ADGB: variants seen among roughly 807,000 people sequenced by gnomAD.
The protein encoded by ADGB is androglobin, also known as calpain-7-like protein.
In ADGB, 172 loss-of-function variants were observed where a neutral mutation model predicts 210.5. That is an observed-to-expected ratio of 0.82 (90% CI 0.72 to 0.93). ADGB has a LOEUF of 0.93. ADGB is among the 40% of genes least tolerant of loss of function. The pLI is 0.00. For missense variants in ADGB, 2,025 were observed against 1,964.8 expected (o/e 1.03, Z -0.58); for synonymous variants, 658 against 662.7 (o/e 0.99, Z 0.11).
chr6:146,690,261 A>C (rs181596475), intron 10 of ADGB, among the ~76,000 whole-genome samples: 1 of 152,250 alleles, frequency 6.6e-6, no homozygotes, highest in Non-Finnish European at 1.5e-5. Flanking sequence ...CTGTTTTGTA[A>C]ATTTGCAATC....
At chr6:146,806,650 G>T (rs1442102293) in intron 35 of ADGB, among the ~76,000 whole-genome samples, 1 of 152,202 alleles carries the variant, frequency 6.6e-6, no homozygotes, top group Non-Finnish European at 1.5e-5. Flanking sequence ...TTCTAGAAGA[G>T]TCTTTTCAGG....
At chr6:146,796,751 CA>C (rs1460099182) in intron 33 of ADGB, among the ~76,000 whole-genome samples, 2 of 151,952 alleles carry the variant, frequency 1.3e-5, no homozygotes, top group African/African-American at 4.8e-5. Flanking sequence ...GACCAGAAAC[CA>C]TAAAGATTCC....
Position 146,664,328 on chromosome 6 carries a change from T to C in ADGB, c.740T>C (p.Leu247Pro). 6.5e-7 allele frequency: 1 copy of C among 1,548,350 alleles called. No individual in the cohort carries two copies. The highest frequency in any genetic ancestry group is 8.7e-7 in the Non-Finnish European group (1 of 1,145,576). Residue 247 changes from leucine (L) to proline (P), a missense_variant, in exon 6 of 36, where the codon CTG becomes CCG. Leu to Pro is a moderately conservative substitution (Grantham distance 98, BLOSUM62 -3). Coordinates refer to ENST00000397944, the MANE Select transcript of ADGB (RefSeq NM_024694.4). ...PMLLSKAIIK[L>P]ANIDIHVADR... Reference sequence around the variant, plus strand: ...CTTTTGTCTAAAGCTATTATCAAGCTGGCAAATATTGAGTATGTAATGACA... The same window carrying C: ...CTTTTGTCTAAAGCTATTATCAAGCCGGCAAATATTGAGTATGTAATGACA...
Position 146,599,010 on chromosome 6 carries a change from G to A in ADGB, c.-31G>A. The stretch of plus-strand genomic sequence containing the variant: ...AGCGCGCCCGCAGGCTCTTTGCTCA[G>A]AGCTCAGCCCTACATAGATCGGCTT... On this transcript the variant is annotated 5_prime_UTR_variant, in exon 1 of 36. Coordinates refer to ENST00000397944, the MANE Select transcript of ADGB (RefSeq NM_024694.4). The A allele has an allele frequency of 6.5e-7, 1 of 1,540,638 alleles. No individual in the cohort carries two copies. The highest frequency in any genetic ancestry group is 8.8e-7 in the Non-Finnish European group (1 of 1,137,868).
chr6:146,657,679 G>T (rs1293815305), intron 5 of ADGB, among the ~76,000 whole-genome samples: 3 of 152,298 alleles, frequency 2.0e-5, no homozygotes, highest in African/African-American at 7.2e-5. Flanking sequence ...CTCTGATGTG[G>T]TATCAGGGTC....
chr6:146,741,206 G>T lies in ADGB; in HGVS notation c.3112G>T (p.Asp1038Tyr). 6.4e-7 allele frequency: 1 copy of T among 1,550,868 alleles called. No individual in the cohort carries two copies. Among genetic ancestry groups the T allele is most frequent in the Non-Finnish European group, 8.7e-7 (1 of 1,146,438 alleles). The change falls in exon 25 of 36, where the codon GAC becomes TAC. Residue 1038 changes from aspartate to tyrosine, a missense_variant. Physicochemically the swap from Asp to Tyr is radical, Grantham distance 160. Transcript: ENST00000397944. ...CTGTATCCTACACATTGTTAATAATGACACAATGGAGCAAGTGCCAAAGGT... is the reference window on the plus strand; with the variant it reads ...CTGTATCCTACACATTGTTAATAATTACACAATGGAGCAAGTGCCAAAGGT... ...PICILHIVNN[D>Y]TMEQVPKVFQ...
chr6:146,740,389 T>A lies in ADGB; in HGVS notation c.2889-70T>A, dbSNP rs541073216. 7,748 of 1,333,110 alleles carry A rather than the reference T, an allele frequency of 5.8e-3. 55 individuals are homozygous for A. The highest frequency in any genetic ancestry group is 5.9e-3 in the Non-Finnish European group (5,860 of 991,622). The allele number at this position is 1,333,110 out of a possible 1,614,324, so 82.6% of individuals were successfully genotyped here. On this transcript the variant is annotated intron_variant, in intron 23 of 35. Transcript: ENST00000397944. ...ATCTTATACTATTTTTTGTCATTTC[T>A]TTTTGTAAATAGAGTTTATCTTTAA...
chr6:146,679,773 T>C (rs2114910501), intron 9 of ADGB, among the ~76,000 whole-genome samples: 2 of 152,304 alleles, frequency 1.3e-5, no homozygotes, highest in South Asian at 4.1e-4. Flanking sequence ...ACATTGAAAA[T>C]GTAGCTTAAA....
At chr6:146,644,204 G>T (rs1388978341) in intron 2 of ADGB, among the ~76,000 whole-genome samples, 1 of 151,562 alleles carries the variant, frequency 6.6e-6, no homozygotes, top group Admixed American at 6.6e-5. Context: ...GGAGAAATTC[G>T]GTAAATGGCA....
At chr6:146,720,543 A>G (rs1215375447) in intron 16 of ADGB, among the ~76,000 whole-genome samples, 1 of 152,204 alleles carries the variant, frequency 6.6e-6, no homozygotes, top group East Asian at 1.9e-4. Context: ...GTATTGAGTT[A>G]GGCCATTCTC....
At chr6:146,661,695 A>G (rs887183042) in intron 5 of ADGB, among the ~76,000 whole-genome samples, 1 of 151,942 alleles carries the variant, frequency 6.6e-6, no homozygotes, top group African/African-American at 2.4e-5. Context: ...TTTTTCCTTT[A>G]TGCTTTCTCA....
At chr6:146,776,081 G>GT (rs994179897) in intron 29 of ADGB, among the ~76,000 whole-genome samples, 2 of 152,038 alleles carry the variant, frequency 1.3e-5, no homozygotes, top group African/African-American at 4.8e-5. Context: ...GGAGGATATT[G>GT]TAAGAGGAGA....
intron 9 of ADGB, among the ~76,000 whole-genome samples, chr6:146,683,064 GTTAT>G (rs550699528): frequency 1.1e-3 from 173 of 152,160 alleles, no homozygotes; most frequent in African/African-American, 4.1e-3. Context: ...GTGTGGGTTT[GTTAT>G]AAAAGGGTGA....
At chr6:146,677,045 C>T in intron 9 of ADGB, among the ~76,000 whole-genome samples, 1 of 152,246 alleles carries the variant, frequency 6.6e-6, no homozygotes, top group Non-Finnish European at 1.5e-5. Flanking sequence ...CTTAAAATCA[C>T]ATTGGAGCTC....
At chr6:146,612,614 G>T (rs1319292116) in intron 1 of ADGB, among the ~76,000 whole-genome samples, 2 of 152,148 alleles carry the variant, frequency 1.3e-5, no homozygotes, top group Non-Finnish European at 2.9e-5. Flanking sequence ...AGAACCACTT[G>T]AGAAAACATT....
intron 35 of ADGB, among the ~76,000 whole-genome samples, chr6:146,805,055 C>T (rs1778191329): frequency 6.6e-6 from 1 of 152,180 alleles, no homozygotes; most frequent in African/African-American, 2.4e-5. Context: ...CGGTATTTCT[C>T]ATTCTAGCTA....
At chr6:146,671,918 G>A (rs954436608) in intron 7 of ADGB, among the ~76,000 whole-genome samples, 1 of 152,042 alleles carries the variant, frequency 6.6e-6, no homozygotes, top group Non-Finnish European at 1.5e-5. Flanking sequence ...GATGCTCAAG[G>A]ACATGTTCTT....
At chr6:146,721,201 AC>A (rs1172413389) in intron 16 of ADGB, among the ~76,000 whole-genome samples, 6 of 152,208 alleles carry the variant, frequency 3.9e-5, no homozygotes, top group Admixed American at 3.3e-4. Flanking sequence ...GCTGCTGCAG[AC>A]CCAGTTTCCA....
At chr6:146,802,155 T>A in intron 35 of ADGB, 144 bp downstream of exon 35, 1 of 539,896 alleles carries the variant, frequency 1.9e-6, no homozygotes, top group Non-Finnish European at 2.8e-6. Context: ...TAGGAAAACA[T>A]CACAAATTTG....
Sources: gnomAD v4.1 joint callset for allele counts (sites outside exome capture counted in the v4.1 genomes callset) on GRCh38, gnomAD v4.1.1 for gene constraint, MANE v1.5 for transcripts, NCBI Gene and HGNC (gene_info 2026-07-23, HGNC 2026-07-21) for gene names.